The following CAST variants were observed in gnomAD, a reference collection of about 807,000 sequenced individuals.
CAST encodes the protein calpastatin.
CAST carries 76 observed loss-of-function variants against 119.6 expected under a neutral mutation model. That is an observed-to-expected ratio of 0.64 (90% CI 0.53 to 0.77). The LOEUF (loss-of-function observed/expected upper bound fraction) is 0.77. Ranked by LOEUF, CAST falls within the 30% of genes least tolerant of loss-of-function variation. CAST has a pLI of 0.00. For synonymous variants in CAST, 319 were observed against 331.6 expected (o/e 0.96, Z 0.41); for missense variants, 953 against 946.5 (o/e 1.01, Z -0.09).
At position 96,727,253 on chromosome 5, in the gene CAST, T is replaced by C. The variant is rs11135479; in HGVS notation, c.337-236T>C. 0.26 allele frequency among the ~76,000 whole-genome samples: 39,029 copies of C among 152,192 alleles called. 5,389 individuals are homozygous for C. Among genetic ancestry groups the C allele is most frequent in the Non-Finnish European group, 0.32 (22,067 of 67,972 alleles). ...ATCTTTGATATACCTAGCAAGGAGA[T>C]ATAAATTGCTCCCTGAATAGTAAAG... On this transcript the variant is annotated intron_variant, in intron 5 of 31. Coordinates refer to ENST00000675179, the MANE Select transcript of CAST (RefSeq NM_001750.7).
the CAST span, among the ~76,000 whole-genome samples, chr5:96,002,607 C>T: frequency 7.1e-4 from 108 of 152,180 alleles, no homozygotes; most frequent in African/African-American, 2.5e-3. Flanking sequence ...GATTGACTGG[C>T]CTGGGGACTG....
rs145230613 is a variant in CAST, at chr5:96,768,440, GAAGAA to G, written c.2268+449_2268+453del. ...ACGATGATATAGAGAACCTGAAAAT[GAAGAA>G]AAGAAAAAATGCCTATAATTCCACT... On this transcript the variant is annotated intron_variant, in intron 29 of 31. Transcript: ENST00000675179. 993 of 450,210 alleles carry G rather than the reference GAAGAA, an allele frequency of 2.2e-3. 8 individuals carry two copies. Among genetic ancestry groups the G allele is most frequent in the African/African-American group, 0.018 (902 of 49,304 alleles). 27.9% of individuals were successfully genotyped at this position (450,210 alleles called of 1,614,324 possible). A position where few individuals can be genotyped will look rare whatever the true frequency, so the allele number is the denominator to read the frequency against.
chr5:96,412,169 T>G, the CAST span: 1 of 761,236 alleles, frequency 1.3e-6, no homozygotes, highest in Non-Finnish European at 2.3e-6. Context: ...TGAAGAATGA[T>G]TTGGCCCTCT....
At chr5:96,037,792 G>C in the CAST span, among the ~76,000 whole-genome samples, 1 of 152,124 alleles carries the variant, frequency 6.6e-6, no homozygotes, top group African/African-American at 2.4e-5. Flanking sequence ...CTCTCATATG[G>C]TGGTGGTTTG....
the CAST span, among the ~76,000 whole-genome samples, chr5:96,449,224 A>T: frequency 1.3e-5 from 2 of 152,304 alleles, no homozygotes; most frequent in Middle Eastern, 3.4e-3. Context: ...AATTCTGTAT[A>T]GACACATACT....
At chr5:96,466,809 T>G in the CAST span, among the ~76,000 whole-genome samples, 1 of 152,142 alleles carries the variant, frequency 6.6e-6, no homozygotes, top group Non-Finnish European at 1.5e-5. Context: ...AATGGAATAA[T>G]GAATAACCTT....
intron 1 of CAST, among the ~76,000 whole-genome samples, chr5:96,666,182 C>G (rs973417679): frequency 6.6e-6 from 1 of 151,788 alleles, no homozygotes; most frequent in African/African-American, 2.4e-5. Context: ...GTCAGTGAAA[C>G]GTTGCAATGT....
chr5:96,431,537 C>G, the CAST span, among the ~76,000 whole-genome samples: 11 of 152,338 alleles, frequency 7.2e-5, no homozygotes, highest in African/African-American at 2.6e-4. Flanking sequence ...TTCTTTCCCT[C>G]CTCTTATTCC....
In CAST at chr5:96,542,237, G is replaced by T. The variant is rs548757160; in HGVS notation, c.60+12357G>T. 4.6e-5 allele frequency among the ~76,000 whole-genome samples: 7 copies of T among 151,754 alleles called. No homozygotes were observed. In the East Asian group the frequency reaches 7.7e-4, roughly 17 times the overall value. ...AGGCAGAAGAATGGCGTGAACCCCG[G>T]GGGGCGGAGCCTGCAGTGAGCCGAG... On this transcript the variant is annotated intron_variant, in intron 1 of 11. Transcript: ENST00000505143.
intron 25 of CAST, chr5:96,762,767 A>G (rs1012510063): frequency 2.0e-5 from 5 of 246,304 alleles, no homozygotes; most frequent in African/African-American, 1.1e-4. Flanking sequence ...ATTTAACCTC[A>G]AGTTTATTTT....
chr5:95,968,150 G>C, the CAST span, among the ~76,000 whole-genome samples: 3 of 152,156 alleles, frequency 2.0e-5, no homozygotes, highest in Non-Finnish European at 4.4e-5. Flanking sequence ...TACTTCCATG[G>C]GCAGGTTGGG....
the CAST span, among the ~76,000 whole-genome samples, chr5:96,441,267 C>T: frequency 3.9e-5 from 6 of 152,168 alleles, no homozygotes; most frequent in South Asian, 4.1e-4. Context: ...AGCTCTGGCA[C>T]TCAATTCTCA....
chr5:96,216,358 C>T, the CAST span, among the ~76,000 whole-genome samples: 12 of 152,178 alleles, frequency 7.9e-5, no homozygotes, highest in Non-Finnish European at 1.6e-4. Flanking sequence ...AATCCAACCT[C>T]ACACGGGTAA....
chr5:96,064,941 T>G, the CAST span, among the ~76,000 whole-genome samples: 1 of 152,200 alleles, frequency 6.6e-6, no homozygotes, highest in Non-Finnish European at 1.5e-5. Flanking sequence ...AGATGTCCCC[T>G]TGCTTAGCTC....
chr5:96,297,493 TC>T, the CAST span, among the ~76,000 whole-genome samples: 4 of 152,170 alleles, frequency 2.6e-5, no homozygotes, highest in Non-Finnish European at 5.9e-5. Context: ...ATCCCTTCCC[TC>T]ATCCCAACCT....
At chr5:96,171,488 A>G in the CAST span, among the ~76,000 whole-genome samples, 1 of 152,180 alleles carries the variant, frequency 6.6e-6, no homozygotes, top group Admixed American at 6.5e-5. Context: ...ACTTGCCACC[A>G]AGGGAATGTG....
chr5:96,203,594 T>A, the CAST span, among the ~76,000 whole-genome samples: 247 of 152,222 alleles, frequency 1.6e-3, 1 homozygote, highest in African/African-American at 5.7e-3. Flanking sequence ...TAAAAGTAGC[T>A]GCTGTTCTCT....
chr5:96,287,360 G>C, the CAST span, among the ~76,000 whole-genome samples: 1 of 152,066 alleles, frequency 6.6e-6, no homozygotes, highest in East Asian at 1.9e-4. Flanking sequence ...ATGGGCCTTT[G>C]AGCGGTATTT....
intron 25 of CAST, 77 bp from the exon 26 acceptor site, chr5:96,765,144 G>A: frequency 2.4e-6 from 2 of 823,094 alleles, no homozygotes; most frequent in South Asian, 2.9e-5. Context: ...CTCCTGAAAA[G>A]ATGGAGTTCC....
Sources: gnomAD v4.1 joint callset for allele counts (sites outside exome capture counted in the v4.1 genomes callset) on GRCh38, gnomAD v4.1.1 for gene constraint, MANE v1.5 for transcripts, NCBI Gene and HGNC (gene_info 2026-07-23, HGNC 2026-07-21) for gene names.